CRPPA: variants seen among roughly 807,000 people sequenced by gnomAD.
The protein encoded by CRPPA is CDP-L-ribitol pyrophosphorylase A, also known as D-ribitol-5-phosphate cytidylyltransferase.
A neutral mutation model predicts 52.0 loss-of-function variants in CRPPA; 43 were observed. That is an observed-to-expected ratio of 0.83 (90% CI 0.65 to 1.07). The LOEUF (loss-of-function observed/expected upper bound fraction) is 1.07. Ranked by LOEUF, CRPPA falls within the 50% of genes least tolerant of loss-of-function variation. CRPPA has a pLI of 0.00. For missense variants in CRPPA, 629 were observed against 551.7 expected (o/e 1.14, Z -1.40); for synonymous variants, 250 against 203.5 (o/e 1.23, Z -1.94).
chr7:16,186,385 G>A (rs143652900), intron 9 of CRPPA, among the ~76,000 whole-genome samples: 5 of 152,170 alleles, frequency 3.3e-5, no homozygotes, highest in African/African-American at 1.2e-4. Context: ...CCACGTGCGT[G>A]TACAAGAAGT....
chr7:16,282,391 A>G (rs1784337261), intron 5 of CRPPA, among the ~76,000 whole-genome samples: 1 of 152,110 alleles, frequency 6.6e-6, no homozygotes, highest in Non-Finnish European at 1.5e-5. Flanking sequence ...GCTGTGTAAC[A>G]AATTACTATA....
chr7:16,200,363 C>A (rs537404566), intron 9 of CRPPA, among the ~76,000 whole-genome samples: 1 of 152,136 alleles, frequency 6.6e-6, no homozygotes, highest in Non-Finnish European at 1.5e-5. Context: ...GACTACAAAC[C>A]TCAAATCTAT....
chr7:16,321,031 G>T (rs1223086444), intron 3 of CRPPA, among the ~76,000 whole-genome samples: 1 of 152,032 alleles, frequency 6.6e-6, no homozygotes, highest in Non-Finnish European at 1.5e-5. Context: ...GTTTTCAAAT[G>T]CCTATCAGTG....
intron 9 of CRPPA, among the ~76,000 whole-genome samples, chr7:16,198,969 G>C (rs1781793959): frequency 6.6e-6 from 1 of 152,150 alleles, no homozygotes; most frequent in Admixed American, 6.5e-5. Flanking sequence ...AGGAACCTCT[G>C]TTTCCAGCCT....
chr7:16,094,974 C>T (rs771154627), intron 9 of CRPPA, among the ~76,000 whole-genome samples: 4 of 152,086 alleles, frequency 2.6e-5, no homozygotes, highest in Non-Finnish European at 5.9e-5. Flanking sequence ...CTATGGAAAT[C>T]TCACTAAACT....
At chr7:16,402,716 G>GAAATTGGA (rs1378690202) in intron 2 of CRPPA, among the ~76,000 whole-genome samples, 1 of 150,528 alleles carries the variant, frequency 6.6e-6, no homozygotes, top group Non-Finnish European at 1.5e-5. Flanking sequence ...AAAAAAATGA[G>GAAATTGGA]AAATTGGAAA....
At chr7:16,385,214 A>T (rs1419025867) in intron 2 of CRPPA, among the ~76,000 whole-genome samples, 1 of 152,142 alleles carries the variant, frequency 6.6e-6, no homozygotes, top group Non-Finnish European at 1.5e-5. Context: ...GAGTACCAAA[A>T]GGAAAGATGA....
chr7:16,390,502 T>G (rs1787414160), intron 2 of CRPPA, among the ~76,000 whole-genome samples: 1 of 152,170 alleles, frequency 6.6e-6, no homozygotes, highest in Non-Finnish European at 1.5e-5. Context: ...TTAGTCTTCT[T>G]GAGTGTTTGT....
chr7:16,273,761 C>T (rs915437240), intron 6 of CRPPA, among the ~76,000 whole-genome samples: 5 of 152,140 alleles, frequency 3.3e-5, no homozygotes, highest in African/African-American at 1.2e-4. Context: ...GGTAAAAGAG[C>T]ACAATGTAAC....
chr7:16,152,527 T>C (rs188066541), intron 9 of CRPPA, among the ~76,000 whole-genome samples: 2 of 152,148 alleles, frequency 1.3e-5, no homozygotes, highest in Admixed American at 1.3e-4. Flanking sequence ...GATTTTCTGC[T>C]AATTATCTTA....
At chr7:16,131,795 G>C (rs1270654698) in intron 9 of CRPPA, among the ~76,000 whole-genome samples, 1 of 152,156 alleles carries the variant, frequency 6.6e-6, no homozygotes, top group Non-Finnish European at 1.5e-5. Context: ...TGCCCAGGCT[G>C]TTCTCGAGCT....
chr7:16,254,470 G>A (rs1562588167), intron 8 of CRPPA, among the ~76,000 whole-genome samples: 1 of 151,810 alleles, frequency 6.6e-6, no homozygotes, highest in Non-Finnish European at 1.5e-5. Flanking sequence ...CCATCATTCT[G>A]AGCAAACTAT....
chr7:16,376,852 T>A (rs1174830067), intron 2 of CRPPA, among the ~76,000 whole-genome samples: 2 of 152,210 alleles, frequency 1.3e-5, no homozygotes, highest in Non-Finnish European at 2.9e-5. Context: ...GCATCTGAAC[T>A]TTAGAAGAGA....
At chr7:16,202,862 A>G (rs1781890001) in intron 9 of CRPPA, among the ~76,000 whole-genome samples, 1 of 152,204 alleles carries the variant, frequency 6.6e-6, no homozygotes. Context: ...CTCCTAATGC[A>G]ACAAAAATAA....
At chr7:16,200,883 C>A (rs1044775739) in intron 9 of CRPPA, among the ~76,000 whole-genome samples, 2 of 152,262 alleles carry the variant, frequency 1.3e-5, no homozygotes, top group South Asian at 2.1e-4. Flanking sequence ...AAAAACTGTT[C>A]TTGCTTAACA....
At chr7:16,277,501 GA>G (rs1784229210) in intron 6 of CRPPA, 1 of 151,528 alleles carries the variant, frequency 6.6e-6, no homozygotes, top group Admixed American at 6.6e-5. Context: ...ATATTTTAAT[GA>G]AAACAGAAAT....
intron 5 of CRPPA, among the ~76,000 whole-genome samples, chr7:16,283,422 C>CAT (rs1784358849): frequency 6.7e-6 from 1 of 149,784 alleles, no homozygotes; most frequent in African/African-American, 2.4e-5. Context: ...TAATATATCA[C>CAT]ATATATATCA....
At chr7:16,338,215 C>T (rs1159488300) in intron 3 of CRPPA, among the ~76,000 whole-genome samples, 2 of 151,988 alleles carry the variant, frequency 1.3e-5, no homozygotes, top group South Asian at 2.1e-4. Flanking sequence ...AGATTTATCC[C>T]TGGGATGCAA....
intron 9 of CRPPA, among the ~76,000 whole-genome samples, chr7:16,109,109 G>T (rs1290214479): frequency 6.6e-6 from 1 of 151,790 alleles, no homozygotes; most frequent in African/African-American, 2.4e-5. Context: ...TAAGAGATTA[G>T]AGGACAACAT....
Sources: allele counts gnomAD v4.1 joint callset (sites outside exome capture counted in the v4.1 genomes callset), GRCh38; gene constraint gnomAD v4.1.1; transcripts MANE v1.5; gene names NCBI Gene and HGNC (gene_info 2026-07-23, HGNC 2026-07-21).